The following CNTNAP4 variants were observed in gnomAD, a reference collection of about 807,000 sequenced individuals.
CNTNAP4 encodes the protein contactin-associated protein-like 4.
In CNTNAP4, 98 loss-of-function variants were observed where a neutral mutation model predicts 148.4. The observed-to-expected ratio is 0.66, with a 90% confidence interval of 0.56 to 0.78. The LOEUF (loss-of-function observed/expected upper bound fraction) is 0.78. Among genes scored for constraint, CNTNAP4 ranks in the 30% least tolerant of loss-of-function variants. The pLI is 0.00. For missense variants in CNTNAP4, 1,935 were observed against 1,565.6 expected, an observed-to-expected ratio of 1.24 and a Z score of -3.98; for synonymous variants, 730 against 565.1, an observed-to-expected ratio of 1.29 and a Z score of -4.14.
intron 1 of CNTNAP4, among the ~76,000 whole-genome samples, chr16:76,279,269 G>A (rs1958596196): frequency 6.6e-6 from 1 of 152,172 alleles, no homozygotes; most frequent in African/African-American, 2.4e-5. Flanking sequence ...GAAAAGCAGA[G>A]CTTAAATCTG....
intron 17 of CNTNAP4, among the ~76,000 whole-genome samples, chr16:76,531,903 T>C (rs987295645): frequency 5.3e-5 from 8 of 152,214 alleles, no homozygotes; most frequent in African/African-American, 2.4e-5. Flanking sequence ...AGAATTAAGA[T>C]GTCATGTTTT....
chr16:76,489,783 G>T lies in CNTNAP4; in HGVS notation c.1980G>T (p.Val660=). 1.9e-6 allele frequency: 3 copies of T among 1,605,350 alleles called. No homozygotes were observed. In the South Asian group the frequency reaches 3.4e-5, roughly 18 times the overall value. Residue 660 remains valine, a synonymous_variant, in exon 13 of 24, where the codon GTG becomes GTT. Coordinates refer to ENST00000611870, the MANE Select transcript of CNTNAP4 (RefSeq NM_033401.5). ...ENPYAGFFEY[V]ASMEQLQATI... is the part of the protein sequence containing the mutation. ...CATATGCTGGGTTTTTCGAGTATGTGGCCAGCATGGAGCAACTTCAGGCCA... is the reference window on the plus strand; with the variant it reads ...CATATGCTGGGTTTTTCGAGTATGTTGCCAGCATGGAGCAACTTCAGGCCA...
chr16:76,332,948 A>C (rs1963668840), intron 2 of CNTNAP4, among the ~76,000 whole-genome samples: 1 of 152,216 alleles, frequency 6.6e-6, no homozygotes. Context: ...CAGGTGACGG[A>C]CTGACCAGGA....
chr16:76,402,643 T>A (rs79895736), intron 3 of CNTNAP4, among the ~76,000 whole-genome samples: 1 of 152,136 alleles, frequency 6.6e-6, no homozygotes, highest in Admixed American at 6.5e-5. Flanking sequence ...TCAGTTGTGA[T>A]GTTAGGTTGT....
chr16:76,335,140 A>G (rs1209073098), intron 2 of CNTNAP4, among the ~76,000 whole-genome samples: 3 of 152,078 alleles, frequency 2.0e-5, no homozygotes, highest in Non-Finnish European at 4.4e-5. Flanking sequence ...TAATGTGTGA[A>G]GTGATCAGTA....
At chr16:76,548,639 G>C (rs1409708931) in intron 21 of CNTNAP4, among the ~76,000 whole-genome samples, 2 of 151,878 alleles carry the variant, frequency 1.3e-5, no homozygotes, top group East Asian at 3.9e-4. Flanking sequence ...AATTGCACTT[G>C]AGGGTTACTT....
At chr16:76,503,195 C>A (rs867948520) in intron 15 of CNTNAP4, among the ~76,000 whole-genome samples, 8 of 152,090 alleles carry the variant, frequency 5.3e-5, no homozygotes, top group Admixed American at 4.6e-4. Flanking sequence ...CCTTTAAGTT[C>A]AGGATAAAGG....
intron 3 of CNTNAP4, among the ~76,000 whole-genome samples, chr16:76,360,452 T>C (rs1181899946): frequency 6.6e-6 from 1 of 152,186 alleles, no homozygotes; most frequent in Non-Finnish European, 1.5e-5. Context: ...GTAGGGTAGG[T>C]GACTCTCCTC....
At chr16:76,462,653 A>G (rs1358152583) in intron 9 of CNTNAP4, among the ~76,000 whole-genome samples, 1 of 152,194 alleles carries the variant, frequency 6.6e-6, no homozygotes, top group Non-Finnish European at 1.5e-5. Flanking sequence ...AGAGAACAAA[A>G]GCAAATGAAG....
chr16:76,321,845 T>C (rs1396231203), intron 2 of CNTNAP4, among the ~76,000 whole-genome samples: 1 of 150,558 alleles, frequency 6.6e-6, no homozygotes, highest in Non-Finnish European at 1.5e-5. Context: ...ATAGTATTAA[T>C]ATATTTAATA....
intron 2 of CNTNAP4, among the ~76,000 whole-genome samples, chr16:76,338,998 T>C (rs930236180): frequency 4.6e-5 from 7 of 152,170 alleles, no homozygotes; most frequent in African/African-American, 1.4e-4. Context: ...TGGTTTGGCT[T>C]CTAGGATGAA....
At chr16:76,510,363 C>T (rs2082963455) in intron 15 of CNTNAP4, among the ~76,000 whole-genome samples, 2 of 152,142 alleles carry the variant, frequency 1.3e-5, no homozygotes, top group South Asian at 2.1e-4. Flanking sequence ...ATACTCCATT[C>T]TGTGGCTATA....
chr16:76,500,427 A>G (rs1338460862), intron 15 of CNTNAP4, among the ~76,000 whole-genome samples: 1 of 152,248 alleles, frequency 6.6e-6, no homozygotes, highest in Non-Finnish European at 1.5e-5. Context: ...GTTCATGAGT[A>G]CATTCCAGCA....
chr16:76,412,127 G>C (rs547125946), intron 3 of CNTNAP4, among the ~76,000 whole-genome samples: 2 of 151,408 alleles, frequency 1.3e-5, no homozygotes, highest in East Asian at 3.9e-4. Flanking sequence ...GTCTACATAG[G>C]TATAACTGAT....
chr16:76,285,505 C>T (rs1223231878), intron 1 of CNTNAP4, among the ~76,000 whole-genome samples: 1 of 151,976 alleles, frequency 6.6e-6, no homozygotes, highest in Admixed American at 6.6e-5. Flanking sequence ...AAGTACCTCT[C>T]ATTACTTGGC....
At chr16:76,449,082 A>T (rs1597578079) in intron 6 of CNTNAP4, 131 bp downstream of exon 6, 1 of 822,266 alleles carries the variant, frequency 1.2e-6, no homozygotes, top group Middle Eastern at 3.5e-4. Context: ...TTCCCAAGGC[A>T]GTCTAACTCA....
At chr16:76,343,732 G>A (rs929046649) in intron 2 of CNTNAP4, among the ~76,000 whole-genome samples, 1 of 147,234 alleles carries the variant, frequency 6.8e-6, no homozygotes, top group East Asian at 2.3e-4. Flanking sequence ...CAAATATGTT[G>A]AAACTTCATT....
chr16:76,381,229 AC>A (rs898758674), intron 3 of CNTNAP4, among the ~76,000 whole-genome samples: 1 of 152,122 alleles, frequency 6.6e-6, no homozygotes, highest in African/African-American at 2.4e-5. Flanking sequence ...CATTCTCCAA[AC>A]CTCAGCAGCT....
At chr16:76,554,955 C>G (rs551482017) in intron 23 of CNTNAP4, among the ~76,000 whole-genome samples, 1 of 151,388 alleles carries the variant, frequency 6.6e-6, no homozygotes, top group Admixed American at 6.6e-5. Context: ...AGGTGCTCAA[C>G]TTGTTATTTA....
Sources: gnomAD v4.1 joint callset for allele counts (sites outside exome capture counted in the v4.1 genomes callset) on GRCh38, gnomAD v4.1.1 for gene constraint, MANE v1.5 for transcripts, NCBI Gene and HGNC (gene_info 2026-07-23, HGNC 2026-07-21) for gene names.